The following WDR7 variants were observed in gnomAD, a reference collection of about 807,000 sequenced individuals.
The protein encoded by WDR7 is WD repeat domain 7, also known as WD repeat-containing protein 7.
WDR7 carries 46 observed loss-of-function variants against 169.4 expected under a neutral mutation model. The observed-to-expected ratio is 0.27, with a 90% CI of 0.21 to 0.35. The LOEUF (loss-of-function observed/expected upper bound fraction) is 0.35. WDR7 is among the 10% of genes least tolerant of loss of function. WDR7 has a pLI of 1.00. For synonymous variants in WDR7, 612 were observed against 666.8 expected, an observed-to-expected ratio of 0.92 and a Z score of 1.27; for missense variants, 1,534 against 1,859.3, an observed-to-expected ratio of 0.83 and a Z score of 3.22.
At chr18:56,793,248 A>G (rs1403118404) in intron 19 of WDR7, among the ~76,000 whole-genome samples, 11 of 152,338 alleles carry the variant, frequency 7.2e-5, no homozygotes, top group East Asian at 1.9e-4. Flanking sequence ...GGATTGGCCA[A>G]CTATCTGGTT....
At chr18:56,868,949 C>T (rs541136264) in intron 20 of WDR7, among the ~76,000 whole-genome samples, 121 of 151,912 alleles carry the variant, frequency 8.0e-4, no homozygotes, top group Non-Finnish European at 8.8e-5. Context: ...GAATGTTTGC[C>T]CTAATAGTAA....
In WDR7 at chr18:56,889,143, G is replaced by T. The variant is rs148980184; in HGVS notation, c.3526+8978G>T. ...ATTCCACTGAGACTTGTCAGCCACA[G>T]ACACAAGAACTTAGGGAAGTGGGGA... is the stretch of plus-strand genomic sequence containing the variant. On this transcript the variant is annotated intron_variant, in intron 21 of 27. Transcript: ENST00000254442. Among the ~76,000 whole-genome samples the T allele has an allele frequency of 2.4e-3, 359 of 152,324 alleles. 2 individuals are homozygous for T. The highest frequency in any genetic ancestry group is 8.1e-3 in the African/African-American group (337 of 41,570).
chr18:56,873,987 G>C (rs1268869956), intron 20 of WDR7: 1 of 152,208 alleles, frequency 6.6e-6, no homozygotes, highest in Non-Finnish European at 1.5e-5. Context: ...TGCAACTGCA[G>C]AATAGAGCTT....
chr18:57,029,351 G>A lies in WDR7; in HGVS notation c.*2144G>A, dbSNP rs2048415062. On this transcript the variant is annotated 3_prime_UTR_variant, in exon 28 of 28. Transcript: ENST00000254442. ...AGAAAGCTATGGCTGCAAAACCCTG[G>A]GGTGGACGATGTTTGATGATTAGAC... 1 of 152,176 alleles carries A rather than the reference G, an allele frequency of 6.6e-6. No individual in the cohort carries two copies. The highest frequency in any genetic ancestry group is 2.4e-5 in the African/African-American group (1 of 41,434). 9.4% of individuals were successfully genotyped at this position (152,176 alleles called of 1,614,324 possible).
chr18:56,907,301 A>G (rs1009841028), intron 21 of WDR7, among the ~76,000 whole-genome samples: 1 of 126,910 alleles, frequency 7.9e-6, no homozygotes, highest in Admixed American at 8.7e-5. Context: ...TATGTTAAGC[A>G]TTGGGGTATG....
intron 1 of WDR7, among the ~76,000 whole-genome samples, chr18:56,668,593 T>G (rs138050398): frequency 6.6e-6 from 1 of 152,338 alleles, no homozygotes; most frequent in Non-Finnish European, 1.5e-5. Context: ...ACCTGAGAAA[T>G]GCTGCTCTAA....
At chr18:56,779,148 G>A (rs2044282150) in intron 17 of WDR7, among the ~76,000 whole-genome samples, 1 of 152,158 alleles carries the variant, frequency 6.6e-6, no homozygotes, top group African/African-American at 2.4e-5. Flanking sequence ...GGACTGTTAA[G>A]AAATGTGTTT....
chr18:56,975,915 T>C (rs866151009), intron 26 of WDR7, among the ~76,000 whole-genome samples: 2 of 152,220 alleles, frequency 1.3e-5, no homozygotes, highest in Non-Finnish European at 2.9e-5. Flanking sequence ...CTCCCAATTT[T>C]TAATTGTTAG....
At chr18:56,738,798 C>CT (rs10547813) in intron 14 of WDR7, among the ~76,000 whole-genome samples, 1,668 of 58,838 alleles carry the variant, frequency 0.028, 61 homozygotes, top group African/African-American at 0.074. Context: ...GCATAAAATC[C>CT]TTTTTTTTTT....
At chr18:56,934,939 A>G (rs1376558493) in intron 22 of WDR7, among the ~76,000 whole-genome samples, 2 of 152,200 alleles carry the variant, frequency 1.3e-5, no homozygotes, top group Non-Finnish European at 2.9e-5. Flanking sequence ...CACGTGCCAC[A>G]TTTTAGTAAA....
At chr18:57,009,999 T>C (rs1177053727) in intron 26 of WDR7, 1 of 985,320 alleles carries the variant, frequency 1.0e-6, no homozygotes, top group Non-Finnish European at 1.2e-6. Context: ...GGAATGTGAT[T>C]GCTGTCCAGT....
intron 14 of WDR7, among the ~76,000 whole-genome samples, chr18:56,734,686 T>G (rs1377774253): frequency 6.6e-6 from 1 of 152,136 alleles, no homozygotes; most frequent in Non-Finnish European, 1.5e-5. Flanking sequence ...AGTTAGTTCT[T>G]ACATTCTTTT....
intron 25 of WDR7, among the ~76,000 whole-genome samples, chr18:56,952,576 A>G (rs2047197457): frequency 6.6e-6 from 1 of 152,244 alleles, no homozygotes; most frequent in African/African-American, 2.4e-5. Context: ...AAAGAACTCA[A>G]TTAATATGGA....
At chr18:56,723,927 G>A (rs2026379121) in intron 13 of WDR7, among the ~76,000 whole-genome samples, 1 of 151,118 alleles carries the variant, frequency 6.6e-6, no homozygotes, top group Admixed American at 6.6e-5. Flanking sequence ...ATGCCTTCAA[G>A]CTTACTGATA....
chr18:56,924,414 A>G (rs973873175), intron 22 of WDR7, among the ~76,000 whole-genome samples: 6 of 152,158 alleles, frequency 3.9e-5, no homozygotes, highest in African/African-American at 1.4e-4. Flanking sequence ...GGAAAATGAT[A>G]TATATATTAA....
intron 14 of WDR7, among the ~76,000 whole-genome samples, chr18:56,739,342 A>G (rs1457083566): frequency 2.6e-5 from 4 of 152,186 alleles, no homozygotes; most frequent in African/African-American, 9.6e-5. Context: ...ACAGTCTAAA[A>G]CAAATTATTC....
intron 20 of WDR7, among the ~76,000 whole-genome samples, chr18:56,861,112 G>A (rs1256901490): frequency 3.8e-5 from 4 of 104,416 alleles, no homozygotes; most frequent in Non-Finnish European, 8.0e-5. Flanking sequence ...GTGAAACAGC[G>A]AAAGTACAGT....
intron 25 of WDR7, 148 bp downstream of exon 25, chr18:56,939,541 G>A (rs2047006076): frequency 2.0e-6 from 1 of 503,464 alleles, no homozygotes; most frequent in Non-Finnish European, 3.3e-6. Context: ...ATATGGGCAG[G>A]TTACAGTTAA....
chr18:56,967,836 T>A (rs1180072316), intron 26 of WDR7, among the ~76,000 whole-genome samples: 1 of 152,212 alleles, frequency 6.6e-6, no homozygotes, highest in Non-Finnish European at 1.5e-5. Context: ...TCATATACTT[T>A]AAATCACCTC....
Sources: gnomAD v4.1 joint callset for allele counts (sites outside exome capture counted in the v4.1 genomes callset) on GRCh38, gnomAD v4.1.1 for gene constraint, MANE v1.5 for transcripts, NCBI Gene and HGNC (gene_info 2026-07-23, HGNC 2026-07-21) for gene names.